Variants in RAPGEF4 observed in about 807,000 individuals in gnomAD.
RAPGEF4 encodes the protein RAP guanine-nucleotide-exchange factor (GEF) 4.
RAPGEF4 carries 66 observed loss-of-function variants against 147.9 expected under a neutral mutation model. The ratio of observed to expected loss-of-function variants is 0.45; its 90% confidence interval spans 0.37 to 0.55. The LOEUF (loss-of-function observed/expected upper bound fraction) is 0.55, where lower values mean the gene tolerates loss of function less well. Ranked by LOEUF, RAPGEF4 falls within the 20% of genes least tolerant of loss-of-function variation. RAPGEF4 has a pLI of 0.00. For missense variants in RAPGEF4, 1,071 were observed against 1,257.3 expected (o/e 0.85, Z 2.24); for synonymous variants, 419 against 442.7 (o/e 0.95, Z 0.67).
chr2:172,796,755 C>T (rs903641326), intron 2 of RAPGEF4, among the ~76,000 whole-genome samples: 5 of 152,270 alleles, frequency 3.3e-5, no homozygotes, highest in African/African-American at 9.6e-5. Context: ...GGTTGTCCCA[C>T]GAGCCGTCAT....
At chr2:172,993,360 C>T (rs2105751672) in intron 15 of RAPGEF4, among the ~76,000 whole-genome samples, 1 of 152,230 alleles carries the variant, frequency 6.6e-6, no homozygotes, top group East Asian at 1.9e-4. Flanking sequence ...TTGCTTTTAT[C>T]TTAGACTGTT....
intron 1 of RAPGEF4, among the ~76,000 whole-genome samples, chr2:172,751,263 G>A (rs116393029): frequency 0.011 from 1,648 of 152,242 alleles, 16 homozygotes; most frequent in South Asian, 0.035. Flanking sequence ...CACTCTTGCT[G>A]GGTATACATT....
chr2:173,052,696 TGG>T lies in RAPGEF4; in HGVS notation c.*930_*931del, dbSNP rs560772372. 2.0e-3 allele frequency: 310 copies of T among 152,786 alleles called. No individual in the cohort carries two copies. Among genetic ancestry groups the T allele is most frequent in the African/African-American group, 7.1e-3 (297 of 41,594 alleles). 9.5% of individuals were successfully genotyped at this position (152,786 alleles called of 1,614,324 possible). Reference sequence around the variant, plus strand: ...TAAATAGTTCATTCAATCAATGGTATGGAGTTATTTATTTGCTACATAATAGA... The same window carrying T: ...TAAATAGTTCATTCAATCAATGGTATAGTTATTTATTTGCTACATAATAGA... On this transcript the variant is annotated 3_prime_UTR_variant, in exon 31 of 31. Transcript: ENST00000397081.
intron 6 of RAPGEF4, among the ~76,000 whole-genome samples, chr2:172,948,621 C>T (rs776733015): frequency 4.6e-5 from 7 of 152,024 alleles, no homozygotes; most frequent in Non-Finnish European, 8.8e-5. Context: ...TACTATGCAG[C>T]CATAAAAAAG....
chr2:173,023,309 C>T (rs1180484866), intron 23 of RAPGEF4, among the ~76,000 whole-genome samples: 1 of 152,140 alleles, frequency 6.6e-6, no homozygotes, highest in Non-Finnish European at 1.5e-5. Flanking sequence ...GCTCAAAAAC[C>T]GTGGGGAGAA....
At chr2:173,037,097 C>G (rs1468489154) in intron 29 of RAPGEF4, among the ~76,000 whole-genome samples, 1 of 152,186 alleles carries the variant, frequency 6.6e-6, no homozygotes, top group African/African-American at 2.4e-5. Context: ...AATTCTACGC[C>G]TTTATTATAG....
chr2:173,002,842 A>G (rs573778395), intron 17 of RAPGEF4, among the ~76,000 whole-genome samples: 2 of 152,178 alleles, frequency 1.3e-5, no homozygotes, highest in African/African-American at 2.4e-5. Flanking sequence ...CCGAGTAATG[A>G]TGGCTTAATG....
intron 17 of RAPGEF4, among the ~76,000 whole-genome samples, chr2:173,010,146 G>A (rs1426031348): frequency 6.6e-6 from 1 of 152,158 alleles, no homozygotes; most frequent in Admixed American, 6.5e-5. Context: ...TGTAATCAAA[G>A]GGCTCTTGAA....
intron 4 of RAPGEF4, among the ~76,000 whole-genome samples, chr2:172,871,925 GAGTC>G (rs1359437608): frequency 6.6e-6 from 1 of 152,092 alleles, no homozygotes; most frequent in East Asian, 1.9e-4. Context: ...AACTTGCTTG[GAGTC>G]ACACAGCAAG....
intron 6 of RAPGEF4, among the ~76,000 whole-genome samples, chr2:172,956,099 C>A (rs184542286): frequency 1.7e-4 from 26 of 152,224 alleles, no homozygotes; most frequent in African/African-American, 5.8e-4. Context: ...TCCCTCTCAG[C>A]AGTGGCCCCG....
intron 1 of RAPGEF4, among the ~76,000 whole-genome samples, chr2:172,740,244 G>A (rs1308271454): frequency 6.6e-6 from 1 of 152,152 alleles, no homozygotes; most frequent in African/African-American, 2.4e-5. Flanking sequence ...GAAAGAAATC[G>A]TTTTCATTTG....
intron 17 of RAPGEF4, among the ~76,000 whole-genome samples, chr2:173,013,409 T>C (rs762543466): frequency 2.0e-5 from 3 of 152,232 alleles, no homozygotes; most frequent in Non-Finnish European, 4.4e-5. Flanking sequence ...TGTTCACTTA[T>C]AGAAATGGAG....
At chr2:172,810,800 G>A (rs949340250) in intron 3 of RAPGEF4, among the ~76,000 whole-genome samples, 1 of 152,146 alleles carries the variant, frequency 6.6e-6, no homozygotes, top group Non-Finnish European at 1.5e-5. Context: ...GTCTCTTTGG[G>A]AATGCTGGTT....
chr2:172,838,752 C>T (rs769517668), intron 4 of RAPGEF4, among the ~76,000 whole-genome samples: 5 of 152,096 alleles, frequency 3.3e-5, no homozygotes, highest in Non-Finnish European at 7.3e-5. Context: ...TTAGTTTACA[C>T]ATGTGAAAAT....
intron 22 of RAPGEF4, among the ~76,000 whole-genome samples, chr2:173,019,352 C>T: frequency 6.6e-6 from 1 of 152,218 alleles, no homozygotes. Context: ...TTTATTCGTT[C>T]ATCACATATT....
At chr2:172,983,921 C>T (rs1242675863) in intron 11 of RAPGEF4, among the ~76,000 whole-genome samples, 1 of 152,120 alleles carries the variant, frequency 6.6e-6, no homozygotes, top group Non-Finnish European at 1.5e-5. Context: ...CTGAATCCTG[C>T]CATGGTATGC....
At chr2:172,951,684 A>G (rs1168230952) in intron 6 of RAPGEF4, among the ~76,000 whole-genome samples, 3 of 152,160 alleles carry the variant, frequency 2.0e-5, no homozygotes, top group Non-Finnish European at 4.4e-5. Flanking sequence ...GGCAAAAGGA[A>G]GAGAGGGTGT....
chr2:172,748,210 C>T (rs539705556), intron 1 of RAPGEF4, among the ~76,000 whole-genome samples: 6 of 152,118 alleles, frequency 3.9e-5, no homozygotes, highest in African/African-American at 7.2e-5. Context: ...CTTGCTGCAT[C>T]GTAAAGTAGT....
Position 173,001,993 on chromosome 2 carries a change from CAAAAAAA to C in RAPGEF4, c.1658+665_1658+671del, listed in dbSNP as rs11397728. Among the ~76,000 whole-genome samples the C allele has an allele frequency of 8.8e-5, 7 of 79,322 alleles. No homozygotes were observed. In the East Asian group the frequency reaches 2.0e-3, roughly 23 times the overall value. The allele number at this position is 79,322 out of a possible 152,430, so 52.0% of individuals were successfully genotyped here. On this transcript the variant is annotated intron_variant, in intron 17 of 30. Transcript: ENST00000397081. ...GCTTACCACAGGAAGGTGATGCTGG[CAAAAAAA>C]AAAAAAAAAAAAAAATCCATTGCCT...
Sources: allele counts gnomAD v4.1 joint callset (sites outside exome capture counted in the v4.1 genomes callset), GRCh38; gene constraint gnomAD v4.1.1; transcripts MANE v1.5; gene names NCBI Gene and HGNC (gene_info 2026-07-23, HGNC 2026-07-21).